Variants in NTNG2 observed in about 807,000 individuals in gnomAD.
NTNG2 encodes netrin-G2.
Under a neutral mutation model 47.6 loss-of-function variants are expected in NTNG2, and 15 were observed. The ratio of observed to expected loss-of-function variants is 0.32; its 90% confidence interval spans 0.21 to 0.49. The LOEUF is 0.49. Among genes scored for constraint, NTNG2 ranks in the 20% least tolerant of loss-of-function variants. The pLI, the probability that NTNG2 is intolerant of heterozygous loss-of-function variation, is 0.99. For synonymous variants in NTNG2, 307 were observed against 324.6 expected (o/e 0.95, Z 0.58); for missense variants, 578 against 764.6 (o/e 0.76, Z 2.88).
At chr9:132,211,689 C>A (rs1207837100) in intron 3 of NTNG2, among the ~76,000 whole-genome samples, 1 of 152,174 alleles carries the variant, frequency 6.6e-6, no homozygotes, top group African/African-American at 2.4e-5. Flanking sequence ...CTCTGGAGCT[C>A]CTGAAGGCTG....
In NTNG2 at chr9:132,239,157, G is replaced by C; in HGVS notation, c.1108G>C (p.Val370Leu). The stretch of plus-strand genomic sequence containing the variant: ...CTGCAGCTACATTGACTTCCTGAAT[G>C]TGGTGACCTGCGTCAGCTGCAAGCA... Reference protein sequence around the residue: ...NRCSYIDFLNVVTCVSCKHNT... With the variant: ...NRCSYIDFLNLVTCVSCKHNT... The change falls in exon 6 of 8, where the codon GTG becomes CTG. Residue 370 changes from valine (V) to leucine (L), a missense_variant. Transcript: ENST00000393229. The C allele has an allele frequency of 3.1e-6, 5 of 1,613,998 alleles. No individual in the cohort carries two copies. Among genetic ancestry groups the C allele is most frequent in the Non-Finnish European group, 4.2e-6 (5 of 1,180,016 alleles).
Position 132,243,348 on chromosome 9 carries a change from C to T in NTNG2, c.*1237C>T, listed in dbSNP as rs1026127989. The T allele has an allele frequency of 1.1e-4, 16 of 152,228 alleles. No individual in the cohort carries two copies. The highest frequency in any genetic ancestry group is 1.0e-4 in the Non-Finnish European group (7 of 68,080). The allele number at this position is 152,228 out of a possible 1,614,324, so 9.4% of individuals were successfully genotyped here. A position where few individuals can be genotyped will look rare whatever the true frequency, so the allele number is the denominator to read the frequency against. ...TGGGCAGAGGCGGGCAGTGCAGAGA[C>T]CCCAGACGTGCCGGCCCTGTCCTCC... On this transcript the variant is annotated 3_prime_UTR_variant, in exon 8 of 8. Coordinates refer to ENST00000393229, the MANE Select transcript of NTNG2 (RefSeq NM_032536.4).
intron 2 of NTNG2, among the ~76,000 whole-genome samples, chr9:132,186,007 C>T (rs1837353828): frequency 6.6e-6 from 1 of 152,160 alleles, no homozygotes; most frequent in Non-Finnish European, 1.5e-5. Context: ...CTCACCCGGC[C>T]TCCCTCTCTC....
At chr9:132,195,203 C>T (rs916520384) in intron 2 of NTNG2, among the ~76,000 whole-genome samples, 4 of 152,058 alleles carry the variant, frequency 2.6e-5, no homozygotes, top group Admixed American at 6.6e-5. Context: ...ACCTAAAACC[C>T]CATGCCACCC....
At chr9:132,216,736 G>A (rs1458719528) in intron 3 of NTNG2, among the ~76,000 whole-genome samples, 4 of 152,160 alleles carry the variant, frequency 2.6e-5, no homozygotes, top group African/African-American at 7.2e-5. Context: ...GAGAGCGATC[G>A]CTTGGGAAAA....
At position 132,182,106 on chromosome 9, in the gene NTNG2, C is replaced by T. The variant is rs1459663803; in HGVS notation, c.213+15062C>T. On this transcript the variant is annotated intron_variant, in intron 2 of 7. Coordinates refer to ENST00000393229, the MANE Select transcript of NTNG2 (RefSeq NM_032536.4). This position sits in a 1 kb window ranked among gnomAD's most constrained non-coding sequence, Gnocchi z 4.2. ...GTTCCCCACCCCCTGCCCTTTGAGA[C>T]ACAATGGAGTCCGCTAATCCAGTTA... Among the ~76,000 whole-genome samples the T allele has an allele frequency of 6.6e-6, 1 of 152,254 alleles. No individual in the cohort carries two copies. Among genetic ancestry groups the T allele is most frequent in the African/African-American group, 2.4e-5 (1 of 41,468 alleles).
chr9:132,235,565 C>T (rs187898043), intron 5 of NTNG2, among the ~76,000 whole-genome samples: 62 of 152,296 alleles, frequency 4.1e-4, no homozygotes, highest in Admixed American at 2.7e-3. Flanking sequence ...CTGTGGGGTG[C>T]GGGGCTGTGA....
At chr9:132,175,672 G>T (rs373249148) in intron 2 of NTNG2, among the ~76,000 whole-genome samples, 1 of 152,172 alleles carries the variant, frequency 6.6e-6, no homozygotes, top group African/African-American at 2.4e-5. Flanking sequence ...CTAATTCCCC[G>T]AGCACACACC....
In NTNG2 at chr9:132,241,952, G is replaced by T; in HGVS notation, c.1434G>T (p.Pro478=). The T allele has an allele frequency of 6.4e-7, 1 of 1,556,186 alleles. No individual in the cohort carries two copies. Among genetic ancestry groups the T allele is most frequent in the Non-Finnish European group, 8.6e-7 (1 of 1,159,560 alleles). Residue 478 remains proline, a synonymous_variant, in exon 8 of 8, where the codon CCG becomes CCT. Transcript: ENST00000393229. ...TGCAGAACCAGCGCTGCGCCTGCCC[G>T]CGCGGCTACACCGGCGTGCGCTGCG... is the stretch of plus-strand genomic sequence containing the variant. ...TCLQNQRCAC[P]RGYTGVRCEQ...
At position 132,218,287 on chromosome 9, in the gene NTNG2, C is replaced by G. The variant is rs1840120658; in HGVS notation, c.858-8562C>G. ...CTGTGGAACCTCAGGCAGCTCACTT[C>G]ACCACCCCAAGTCTCAGTTTCCCCA... On this transcript the variant is annotated intron_variant, in intron 3 of 7. Coordinates refer to ENST00000393229, the MANE Select transcript of NTNG2 (RefSeq NM_032536.4). The surrounding 1 kb of genome is among the most constrained non-coding windows in gnomAD (Gnocchi z 5.4). Among the ~76,000 whole-genome samples the G allele has an allele frequency of 2.6e-5, 4 of 152,210 alleles. No individual in the cohort carries two copies. The South Asian group carries it at 8.3e-4, about 31-fold the overall frequency.
At chr9:132,194,659 C>G (rs1455437744) in intron 2 of NTNG2, among the ~76,000 whole-genome samples, 2 of 152,268 alleles carry the variant, frequency 1.3e-5, no homozygotes, top group African/African-American at 2.4e-5. Flanking sequence ...TCAGTCCCCC[C>G]ATCTGCTTAA....
chr9:132,199,500 C>T (rs1055210465), intron 3 of NTNG2, among the ~76,000 whole-genome samples: 6 of 152,242 alleles, frequency 3.9e-5, no homozygotes, highest in Admixed American at 6.5e-5. Flanking sequence ...CCAGCAGTGA[C>T]ATGGGACAAT....
intron 3 of NTNG2, among the ~76,000 whole-genome samples, chr9:132,207,445 C>T (rs554749028): frequency 7.2e-5 from 11 of 152,348 alleles, no homozygotes; most frequent in Admixed American, 1.3e-4. Context: ...CCTTGTCTTG[C>T]GGCTGTCCGC....
rs542544449 is a variant in NTNG2, at chr9:132,230,605, C to T, written c.1054+10C>T. On this transcript the variant is annotated intron_variant, in intron 5 of 7. Transcript: ENST00000393229. ...GCAGGTTCCTTTGGCAGTAAGTACA[C>T]GCCTGGGGAGGGTGGCCAGGGCCCC... 34 of 1,602,948 alleles carry T rather than the reference C, an allele frequency of 2.1e-5. No individual in the cohort carries two copies. Among genetic ancestry groups the T allele is most frequent in the East Asian group, 1.6e-4 (7 of 44,548 alleles).
intron 2 of NTNG2, among the ~76,000 whole-genome samples, chr9:132,176,661 C>T (rs1239006757): frequency 1.3e-5 from 2 of 152,156 alleles, no homozygotes; most frequent in Non-Finnish European, 2.9e-5. Context: ...ATTTGGGTCT[C>T]AGTTTTTGCA....
At chr9:132,216,608 A>G (rs1564426728) in intron 3 of NTNG2, among the ~76,000 whole-genome samples, 2 of 152,122 alleles carry the variant, frequency 1.3e-5, no homozygotes, top group South Asian at 2.1e-4. Context: ...CCCTATCTCT[A>G]TGTTCATTAT....
At chr9:132,165,966 T>G (rs1411164393) in intron 1 of NTNG2, 1 of 152,230 alleles carries the variant, frequency 6.6e-6, no homozygotes, top group Non-Finnish European at 1.5e-5. Context: ...TCCCCCTCTT[T>G]AATTTGTTGC....
intron 5 of NTNG2, among the ~76,000 whole-genome samples, chr9:132,238,773 G>A (rs1841802682): frequency 6.6e-6 from 1 of 152,246 alleles, no homozygotes; most frequent in Admixed American, 6.5e-5. Flanking sequence ...ACCCCGGCAT[G>A]TGGGCATCCT....
intron 2 of NTNG2, among the ~76,000 whole-genome samples, chr9:132,178,955 C>T (rs1390967792): frequency 2.0e-5 from 2 of 97,614 alleles, no homozygotes; most frequent in African/African-American, 1.0e-4. Context: ...GAGTGAGACT[C>T]GGTCTCAAAA....
Sources: allele counts gnomAD v4.1 joint callset (sites outside exome capture counted in the v4.1 genomes callset), GRCh38; gene constraint gnomAD v4.1.1; non-coding constraint Gnocchi (gnomAD v3.1); transcripts MANE v1.5; gene names NCBI Gene and HGNC (gene_info 2026-07-23, HGNC 2026-07-21).